FIGN: variants seen among roughly 807,000 people sequenced by gnomAD.
The protein encoded by FIGN is fidgetin.
FIGN carries 11 observed loss-of-function variants against 51.3 expected under a neutral mutation model. The ratio of observed to expected loss-of-function variants is 0.21; its 90% confidence interval spans 0.13 to 0.35. FIGN has a LOEUF of 0.35. Ranked by LOEUF, FIGN falls within the 10% of genes least tolerant of loss-of-function variation. FIGN has a pLI of 1.00. For synonymous variants in FIGN, 407 were observed against 363.2 expected, an observed-to-expected ratio of 1.12 and a Z score of -1.37; for missense variants, 857 against 943.6, an observed-to-expected ratio of 0.91 and a Z score of 1.20.
At chr2:163,675,706 C>CTTTTTTTTTTT (rs900840520) in intron 2 of FIGN, among the ~76,000 whole-genome samples, 17 of 100,494 alleles carry the variant, frequency 1.7e-4, no homozygotes, top group South Asian at 3.4e-4. Flanking sequence ...TTCTTTCTTT[C>CTTTTTTTTTTT]TTTTTTTTTT....
At chr2:163,614,210 G>A (rs896215529) in intron 2 of FIGN, among the ~76,000 whole-genome samples, 1 of 151,996 alleles carries the variant, frequency 6.6e-6, no homozygotes, top group African/African-American at 2.4e-5. Context: ...TAAGGGGGAG[G>A]AAAACACACC....
At chr2:163,670,497 C>T (rs1683859269) in intron 2 of FIGN, among the ~76,000 whole-genome samples, 1 of 152,136 alleles carries the variant, frequency 6.6e-6, no homozygotes. Flanking sequence ...TTTAAACAGC[C>T]TCACATTCAA....
At chr2:163,716,625 A>G (rs776076701) in intron 2 of FIGN, among the ~76,000 whole-genome samples, 1 of 152,212 alleles carries the variant, frequency 6.6e-6, no homozygotes, top group Non-Finnish European at 1.5e-5. Flanking sequence ...GTTCATTTCT[A>G]AGATTTCTTT....
rs7572130 is a variant in FIGN, at chr2:163,604,437, A to G, written c.*5115T>C. The G allele has an allele frequency of 0.15, 23,224 of 151,962 alleles. 2,371 individuals are homozygous for G. Among genetic ancestry groups the G allele is most frequent in the East Asian group, 0.55 (2,817 of 5,156 alleles). The allele number at this position is 151,962 out of a possible 1,614,324, so 9.4% of individuals were successfully genotyped here. On this transcript the variant is annotated 3_prime_UTR_variant, in exon 3 of 3. Transcript: ENST00000333129. ...CAGTCTTGTGTTATGAATACAATTAAAAGTCCATCAGTATCCCAAGTACTC... is the reference window on the plus strand; with the variant it reads ...CAGTCTTGTGTTATGAATACAATTAGAAGTCCATCAGTATCCCAAGTACTC...
chr2:163,613,699 C>T (rs1034750194), intron 2 of FIGN, among the ~76,000 whole-genome samples: 2 of 152,052 alleles, frequency 1.3e-5, no homozygotes, highest in African/African-American at 4.8e-5. Context: ...GTCATGCTTC[C>T]GACTTAATGA....
chr2:163,610,027 A>T lies in FIGN; in HGVS notation c.1805T>A (p.Val602Asp), dbSNP rs548435880. 1 of 1,614,110 alleles carries T rather than the reference A, an allele frequency of 6.2e-7. No individual in the cohort carries two copies. The highest frequency in any genetic ancestry group is 1.1e-5 in the South Asian group (1 of 91,086). ...CAGAAATTCGGTTCTCATCCGACTG[A>T]CTGGACTATGTTCCTCATTCACTTG... ...SSQVNEEHSP[V>D]SRMRTEFLMQ... The change falls in exon 3 of 3, where the codon GTC becomes GAC. Residue 602 changes from valine (V) to aspartate (D), a missense_variant. Coordinates refer to ENST00000333129, the MANE Select transcript of FIGN (RefSeq NM_018086.4).
chr2:163,646,894 G>A (rs1176110576), intron 2 of FIGN, among the ~76,000 whole-genome samples: 1 of 152,186 alleles, frequency 6.6e-6, no homozygotes, highest in Non-Finnish European at 1.5e-5. Context: ...TTGAAGAAGT[G>A]TAATTATAGT....
intron 2 of FIGN, among the ~76,000 whole-genome samples, chr2:163,722,726 A>G (rs1047791259): frequency 2.6e-5 from 4 of 152,068 alleles, no homozygotes; most frequent in Admixed American, 6.5e-5. Flanking sequence ...CTCCTTTTTA[A>G]GTATATAATT....
rs113944919 is a variant in FIGN at position 163,661,822 on chromosome 2, A to T, written c.26-50016T>A. 8.9e-3 allele frequency among the ~76,000 whole-genome samples: 1,362 copies of T among 152,218 alleles called. 25 individuals are homozygous for T. The highest frequency in any genetic ancestry group is 0.031 in the African/African-American group (1,306 of 41,524). On this transcript the variant is annotated intron_variant, in intron 2 of 2. Coordinates refer to ENST00000333129, the MANE Select transcript of FIGN (RefSeq NM_018086.4). ...ATTTTTCTCTTGCTGCCACCATGTA[A>T]GAAGTGCCTTTCGCCTCCTGCCATG...
chr2:163,728,595 T>C (rs757510552), intron 2 of FIGN, among the ~76,000 whole-genome samples: 1 of 152,190 alleles, frequency 6.6e-6, no homozygotes, highest in Non-Finnish European at 1.5e-5. Flanking sequence ...TCAGTTTTCT[T>C]ACTCAACTCT....
intron 2 of FIGN, among the ~76,000 whole-genome samples, chr2:163,708,783 A>T (rs971475639): frequency 6.6e-6 from 1 of 152,146 alleles, no homozygotes; most frequent in African/African-American, 2.4e-5. Context: ...GGGGAGAAAA[A>T]GAAAAACAAG....
chr2:163,680,149 A>T (rs181002643), intron 2 of FIGN, among the ~76,000 whole-genome samples: 1 of 152,234 alleles, frequency 6.6e-6, no homozygotes, highest in Non-Finnish European at 1.5e-5. Context: ...GATCTTTTAG[A>T]TACAACAGGG....
At chr2:163,671,776 T>C (rs995846905) in intron 2 of FIGN, among the ~76,000 whole-genome samples, 4 of 152,168 alleles carry the variant, frequency 2.6e-5, no homozygotes, top group African/African-American at 9.7e-5. Flanking sequence ...AGCTTCTGAT[T>C]CACATTAAAA....
At chr2:163,616,205 C>T (rs1682874755) in intron 2 of FIGN, among the ~76,000 whole-genome samples, 1 of 152,090 alleles carries the variant, frequency 6.6e-6, no homozygotes, top group Admixed American at 6.6e-5. Context: ...CCATTTTGCT[C>T]TTTAACTAGT....
At chr2:163,654,577 T>G (rs1332099126) in intron 2 of FIGN, among the ~76,000 whole-genome samples, 1 of 152,088 alleles carries the variant, frequency 6.6e-6, no homozygotes, top group Non-Finnish European at 1.5e-5. Flanking sequence ...TAAGCACCAA[T>G]AAGATCAGGA....
At chr2:163,713,411 A>G (rs1380777240) in intron 2 of FIGN, among the ~76,000 whole-genome samples, 2 of 151,998 alleles carry the variant, frequency 1.3e-5, no homozygotes, top group Non-Finnish European at 2.9e-5. Context: ...AGGATTTTAT[A>G]TATGAGACAT....
chr2:163,620,790 C>G (rs1682955564), intron 2 of FIGN, among the ~76,000 whole-genome samples: 1 of 151,502 alleles, frequency 6.6e-6, no homozygotes, highest in South Asian at 2.1e-4. Context: ...TATATTTCAT[C>G]AATCATAATC....
intron 2 of FIGN, among the ~76,000 whole-genome samples, chr2:163,613,317 C>G (rs1310590522): frequency 6.6e-6 from 1 of 152,032 alleles, no homozygotes; most frequent in Non-Finnish European, 1.5e-5. Context: ...GTCTTGTGCC[C>G]TCTGGCAGAG....
chr2:163,682,800 C>T (rs1416862782), intron 2 of FIGN, among the ~76,000 whole-genome samples: 1 of 152,142 alleles, frequency 6.6e-6, no homozygotes, highest in Non-Finnish European at 1.5e-5. Context: ...CAAGTGCTAG[C>T]ATGACATTTC....
Sources: gnomAD v4.1 joint callset for allele counts (sites outside exome capture counted in the v4.1 genomes callset) on GRCh38, gnomAD v4.1.1 for gene constraint, MANE v1.5 for transcripts, NCBI Gene and HGNC (gene_info 2026-07-23, HGNC 2026-07-21) for gene names.